NCOR1: variants seen among roughly 807,000 people sequenced by gnomAD.
NCOR1 encodes the protein nuclear receptor corepressor 1.
A neutral mutation model predicts 288.1 loss-of-function variants in NCOR1; 63 were observed. The observed-to-expected ratio is 0.22, with a 90% CI of 0.18 to 0.27. NCOR1 has a LOEUF of 0.27. Among genes scored for constraint, NCOR1 ranks in the 10% least tolerant of loss-of-function variants. NCOR1 has a pLI of 1.00. For missense variants in NCOR1, 2,397 were observed against 3,019.2 expected, an observed-to-expected ratio of 0.79 and a Z score of 4.83; for synonymous variants, 1,007 against 1,065.9, an observed-to-expected ratio of 0.94 and a Z score of 1.08.
chr17:16,070,345 G>A lies in NCOR1; in HGVS notation c.4333C>T (p.Arg1445Cys), dbSNP rs183518783. The stretch of plus-strand genomic sequence containing the variant: ...CTTACCACTGACGTGTGCCGGGAAC[G>A]CACGGTCTCGCCTGCTTTCACATCC... ...YEDVKAGETV[R>C]SRHTSVVSSG... is the part of the protein sequence containing the mutation. The change falls in exon 31 of 46, where the codon CGT (arginine) becomes TGT (cysteine). Residue 1445 changes from arginine to cysteine, a missense_variant. This residue lies in a region of NCOR1 where 1,872 missense variants were observed against 2,187.8 expected (regional missense o/e 0.86). Coordinates refer to ENST00000268712, the MANE Select transcript of NCOR1 (RefSeq NM_006311.4). The A allele has an allele frequency of 2.6e-5, 42 of 1,614,106 alleles. No homozygotes were observed. Among genetic ancestry groups the A allele is most frequent in the East Asian group, 1.1e-4 (5 of 44,876 alleles).
At chr17:16,134,876 G>A (rs1415517302) in intron 14 of NCOR1, among the ~76,000 whole-genome samples, 2 of 152,170 alleles carry the variant, frequency 1.3e-5, no homozygotes, top group Non-Finnish European at 2.9e-5. Flanking sequence ...ATTTGCAGCT[G>A]AGGCCGGGCG....
At chr17:16,145,665 C>T (rs915242428) in intron 10 of NCOR1, among the ~76,000 whole-genome samples, 4 of 151,988 alleles carry the variant, frequency 2.6e-5, no homozygotes, top group Non-Finnish European at 4.4e-5. Flanking sequence ...CCGCCCCTTC[C>T]GGGAGGTGGG....
At chr17:16,134,853 A>C (rs2076154561) in intron 14 of NCOR1, among the ~76,000 whole-genome samples, 3 of 152,224 alleles carry the variant, frequency 2.0e-5, no homozygotes, top group African/African-American at 7.2e-5. Flanking sequence ...AATTAGGAAC[A>C]AAACTGTTAG....
rs1555609673 is a variant in NCOR1 at position 16,077,588 on chromosome 17, G to GGGA, written c.3502-1889_3502-1887dup. Among the ~76,000 whole-genome samples, 3 of 30,678 alleles carry GGGA rather than the reference G, an allele frequency of 9.8e-5. 1 individual carries two copies. The highest frequency in any genetic ancestry group is 6.4e-4 in the Admixed American group (2 of 3,114). The allele number at this position is 30,678 out of a possible 152,430, so 20.1% of individuals were successfully genotyped here. A position where few individuals can be genotyped will look rare whatever the true frequency, so the allele number is the denominator to read the frequency against. On this transcript the variant is annotated intron_variant, in intron 26 of 45. Transcript: ENST00000268712. Reference sequence around the variant, plus strand: ...AGGAGAGGGGGGAGGGGAGGGGGAGGGGAGAAGGGAGGGAAAAGAAAAGGA... The same window carrying GGGA: ...AGGAGAGGGGGGAGGGGAGGGGGAGGGGAGGAGAAGGGAGGGAAAAGAAAAGGA...
intron 1 of NCOR1, among the ~76,000 whole-genome samples, chr17:16,196,320 A>G (rs2089779188): frequency 6.6e-6 from 1 of 152,012 alleles, no homozygotes; most frequent in South Asian, 2.1e-4. Flanking sequence ...TTCTTTATCC[A>G]GTTAGGTTTA....
Position 16,034,698 on chromosome 17 carries a change from GAACT to G in NCOR1, c.7135+63_7135+66del, listed in dbSNP as rs546005130. The stretch of plus-strand genomic sequence containing the variant: ...ATTAGAAGAGTTGCTGAATTTTGAA[GAACT>G]AATAACCAAGACATTGATATTATTG... On this transcript the variant is annotated intron_variant, in intron 45 of 45. Transcript: ENST00000268712. 308 of 1,375,872 alleles carry G rather than the reference GAACT, an allele frequency of 2.2e-4. No homozygotes were observed. The African/African-American group carries it at 3.9e-3, about 17-fold the overall frequency. The allele number at this position is 1,375,872 out of a possible 1,614,324, so 85.2% of individuals were successfully genotyped here. A position where few individuals can be genotyped will look rare whatever the true frequency, so the allele number is the denominator to read the frequency against.
chr17:16,177,602 C>T (rs1036320877), intron 3 of NCOR1, among the ~76,000 whole-genome samples: 3 of 152,070 alleles, frequency 2.0e-5, no homozygotes, highest in Non-Finnish European at 4.4e-5. Flanking sequence ...CCCGAGGGAA[C>T]ATGTAAGTGG....
chr17:16,149,292 CAT>C (rs34511605), intron 9 of NCOR1, among the ~76,000 whole-genome samples, 157 bp downstream of exon 9: 3,433 of 137,880 alleles, frequency 0.025, 118 homozygotes, highest in African/African-American at 0.082. Context: ...AGATTTAAGT[CAT>C]ATATATATAT....
At chr17:16,048,803 C>A (rs776501935) in intron 41 of NCOR1, 42 bp downstream of exon 41, 1 of 1,538,554 alleles carries the variant, frequency 6.5e-7, no homozygotes, top group Non-Finnish European at 8.8e-7. Flanking sequence ...AGCATGAGCA[C>A]CCACGCCATG....
chr17:16,106,854 C>CATATATATAT (rs1162344281), intron 19 of NCOR1, among the ~76,000 whole-genome samples: 30 of 46,146 alleles, frequency 6.5e-4, no homozygotes, highest in South Asian at 3.0e-3. Flanking sequence ...CTTGATCAGA[C>CATATATATAT]ATATATATAT....
At chr17:16,122,771 G>A (rs975815254) in intron 15 of NCOR1, 1 of 152,266 alleles carries the variant, frequency 6.6e-6, no homozygotes, top group African/African-American at 2.4e-5. Flanking sequence ...CGAGTAGCTG[G>A]GACTACAGAC....
At chr17:16,118,452 T>C (rs1461191580) in intron 17 of NCOR1, among the ~76,000 whole-genome samples, 1 of 152,192 alleles carries the variant, frequency 6.6e-6, no homozygotes, top group Non-Finnish European at 1.5e-5. Context: ...CCACTTATAA[T>C]CCATATTTGT....
chr17:16,107,164 G>A (rs925392803), intron 19 of NCOR1, among the ~76,000 whole-genome samples: 1 of 151,846 alleles, frequency 6.6e-6, no homozygotes, highest in Admixed American at 6.6e-5. Flanking sequence ...CCAAGTGTTG[G>A]GGTTACAGGC....
intron 4 of NCOR1, among the ~76,000 whole-genome samples, chr17:16,170,421 T>C (rs892179553): frequency 2.0e-5 from 3 of 152,196 alleles, no homozygotes; most frequent in African/African-American, 4.8e-5. Flanking sequence ...GTTAACACTT[T>C]ACTGTTAAGA....
intron 30 of NCOR1, 94 bp downstream of exon 30, chr17:16,071,315 G>T: frequency 6.8e-7 from 1 of 1,477,340 alleles, no homozygotes; most frequent in Non-Finnish European, 9.1e-7. Context: ...CAGGAGGTCT[G>T]ACATCATAAG....
rs78355709 is a variant in NCOR1, at chr17:16,142,989, T to C, written c.1173+617A>G. On this transcript the variant is annotated intron_variant, in intron 11 of 45. Transcript: ENST00000268712. ...TTCATAGATGAATCTCCTCCATATATAAACTTAATCTCTATATTCTCATTC... is the reference window on the plus strand; with the variant it reads ...TTCATAGATGAATCTCCTCCATATACAAACTTAATCTCTATATTCTCATTC... Among the ~76,000 whole-genome samples the C allele has an allele frequency of 6.1e-3, 928 of 152,266 alleles. 16 individuals are homozygous for C. The highest frequency in any genetic ancestry group is 0.021 in the African/African-American group (862 of 41,546).
At chr17:16,106,995 C>T (rs970178907) in intron 19 of NCOR1, among the ~76,000 whole-genome samples, 1 of 147,174 alleles carries the variant, frequency 6.8e-6, no homozygotes. Flanking sequence ...CAGGTTCACA[C>T]CATTCTCCTG....
intron 41 of NCOR1, 68 bp downstream of exon 41, chr17:16,048,777 C>A: frequency 2.1e-6 from 3 of 1,432,528 alleles, no homozygotes; most frequent in South Asian, 1.7e-5. Flanking sequence ...ACGGCAACAA[C>A]TGAAGGAAAT....
At chr17:16,173,437 T>A (rs1430919445) in intron 3 of NCOR1, among the ~76,000 whole-genome samples, 1 of 151,814 alleles carries the variant, frequency 6.6e-6, no homozygotes, top group Non-Finnish European at 1.5e-5. Flanking sequence ...AAATAAAAGG[T>A]ATCCAAATTT....
Sources: gnomAD v4.1 joint callset for allele counts (sites outside exome capture counted in the v4.1 genomes callset) on GRCh38, gnomAD v4.1.1 for gene constraint, gnomAD v4.1.1 regional missense constraint, MANE v1.5 for transcripts, NCBI Gene and HGNC (gene_info 2026-07-23, HGNC 2026-07-21) for gene names.